Variants in SYCP2 observed in about 807,000 individuals in gnomAD.
The protein encoded by SYCP2 is synaptonemal complex protein 2, also known as synaptonemal complex lateral element protein.
In SYCP2, 55 loss-of-function variants were observed where a neutral mutation model predicts 211.3. That is an observed-to-expected ratio of 0.26 (90% CI 0.21 to 0.33). SYCP2 has a LOEUF of 0.33. Ranked by LOEUF, SYCP2 falls within the 10% of genes least tolerant of loss-of-function variation. The probability of loss-of-function intolerance (pLI) is 1.00; values close to 1 mark genes in which losing one functional copy is unlikely to be tolerated. For missense variants in SYCP2, 1,731 were observed against 1,752.0 expected (o/e 0.99, Z 0.21); for synonymous variants, 570 against 555.2 (o/e 1.03, Z -0.37).
intron 6 of SYCP2, 68 bp from the exon 7 acceptor site, chr20:59,919,250 A>T: frequency 2.4e-6 from 2 of 837,000 alleles, no homozygotes; most frequent in Non-Finnish European, 3.8e-6. Context: ...AATATTATAA[A>T]CCATTACAAA....
At chr20:59,890,317 A>G (rs2059880473) in intron 24 of SYCP2, among the ~76,000 whole-genome samples, 1 of 152,118 alleles carries the variant, frequency 6.6e-6, no homozygotes, top group Admixed American at 6.6e-5. Context: ...CAAACACCAC[A>G]TGTTCTCACT....
At chr20:59,911,453 T>C (rs1398220376) in intron 14 of SYCP2, among the ~76,000 whole-genome samples, 1 of 152,224 alleles carries the variant, frequency 6.6e-6, no homozygotes, top group Non-Finnish European at 1.5e-5. Flanking sequence ...CAATTCACTT[T>C]GTTTATGTGA....
At chr20:59,921,578 A>G (rs2060541933) in intron 3 of SYCP2, 125 bp from the exon 4 acceptor site, 1 of 578,786 alleles carries the variant, frequency 1.7e-6, no homozygotes, top group Non-Finnish European at 2.6e-6. Context: ...ATATTAATTC[A>G]CGTATTTTTT....
chr20:59,921,481 C>T, intron 3 of SYCP2, 28 bp from the exon 4 acceptor site: 2 of 1,522,028 alleles, frequency 1.3e-6, no homozygotes, highest in Non-Finnish European at 1.8e-6. Context: ...ATGGCACATA[C>T]TGTATCAAAA....
At chr20:59,892,793 C>T (rs2059932342) in intron 22 of SYCP2, 92 bp from the exon 23 acceptor site, 19 of 1,180,890 alleles carry the variant, frequency 1.6e-5, no homozygotes, top group East Asian at 2.6e-5. Flanking sequence ...TTACTGAAAG[C>T]GATTACTTAT....
At chr20:59,867,990 C>T (rs371612396) in intron 38 of SYCP2, 143 bp from the exon 39 acceptor site, 5 of 605,348 alleles carry the variant, frequency 8.3e-6, no homozygotes, top group Non-Finnish European at 1.4e-5. Context: ...AGAAGAGTTC[C>T]TTATGTTTTT....
chr20:59,866,564 A>C lies in SYCP2; in HGVS notation c.4151T>G (p.Phe1384Cys). The stretch of plus-strand genomic sequence containing the variant: ...AGCTGTTTTCCAAGACTGCGTAGTA[A>C]AATAACTCAACATTTTATGTCGGAT... ...NNIRHKMLSY[F>C]TTQSWKTAQQ... The change falls in exon 40 of 45, where the codon TTT becomes TGT. Residue 1384 changes from phenylalanine (F) to cysteine (C), a missense_variant. Phe to Cys is a radical substitution (Grantham distance 205). Coordinates refer to ENST00000357552, the MANE Select transcript of SYCP2 (RefSeq NM_014258.4). 1 of 1,601,114 alleles carries C rather than the reference A, an allele frequency of 6.2e-7. No individual in the cohort carries two copies. Among genetic ancestry groups the C allele is most frequent in the Non-Finnish European group, 8.5e-7 (1 of 1,175,440 alleles).
chr20:59,898,693 C>T (rs1033950844), intron 18 of SYCP2, among the ~76,000 whole-genome samples: 1 of 151,706 alleles, frequency 6.6e-6, no homozygotes, highest in African/African-American at 2.4e-5. Context: ...ACATGTATCC[C>T]AGAACTTAAA....
chr20:59,880,050 G>A (rs2059645916), intron 31 of SYCP2, among the ~76,000 whole-genome samples: 1 of 151,086 alleles, frequency 6.6e-6, no homozygotes, highest in South Asian at 2.1e-4. Flanking sequence ...TGGGCCATGA[G>A]TAGACAAGTG....
chr20:59,877,373 GTATC>G lies in SYCP2; in HGVS notation c.3150+8_3150+11del, dbSNP rs755597412. On this transcript the variant is annotated splice_region_variant and intron_variant, in intron 33 of 44. Coordinates refer to ENST00000357552, the MANE Select transcript of SYCP2 (RefSeq NM_014258.4). ...AGGCTTTTAGAAATTAATCTGAACT[GTATC>G]TATTTACCTTTACTGGTATGTTCTC... The G allele has an allele frequency of 2.6e-6, 4 of 1,530,778 alleles. No individual in the cohort carries two copies. Among genetic ancestry groups the G allele is most frequent in the South Asian group, 2.6e-5 (2 of 77,728 alleles). 94.8% of individuals were successfully genotyped at this position (1,530,778 alleles called of 1,614,324 possible).
intron 21 of SYCP2, among the ~76,000 whole-genome samples, 160 bp downstream of exon 21, chr20:59,893,364 A>G (rs974483626): frequency 1.2e-4 from 18 of 152,032 alleles, no homozygotes; most frequent in East Asian, 3.9e-4. Context: ...CAAAGGTGGT[A>G]TATTTCCTTG....
chr20:59,875,416 CTGT>C lies in SYCP2; in HGVS notation c.3201_3203del (p.Gln1068del), dbSNP rs767439069. The C allele has an allele frequency of 3.7e-6, 6 of 1,612,632 alleles. No homozygotes were observed. The African/African-American group carries it at 4.0e-5, about 11-fold the overall frequency. ...TTTCTGTTTCAGCACAGAAGACTTT[CTGT>C]TGTTTCTTTGGTAGCTTTACCGTTT... On this transcript the variant is annotated inframe_deletion, in exon 34 of 45. Coordinates refer to ENST00000357552, the MANE Select transcript of SYCP2 (RefSeq NM_014258.4).
At chr20:59,870,278 T>G (rs2059425001) in intron 35 of SYCP2, among the ~76,000 whole-genome samples, 6 of 151,800 alleles carry the variant, frequency 4.0e-5, no homozygotes, top group Admixed American at 1.3e-4. Context: ...TTTTCTGTTC[T>G]AATCTTCATG....
intron 38 of SYCP2, 62 bp from the exon 39 acceptor site, chr20:59,867,909 A>G: frequency 7.9e-7 from 1 of 1,272,870 alleles, no homozygotes; most frequent in Admixed American, 2.1e-5. Context: ...TAGCCTTGTA[A>G]TTAGGCTAAG....
At chr20:59,920,595 G>T (rs1051421948) in intron 4 of SYCP2, 108 bp from the exon 5 acceptor site, 35 of 937,024 alleles carry the variant, frequency 3.7e-5, no homozygotes, top group African/African-American at 3.3e-4. Flanking sequence ...AATCCTGAAA[G>T]ATGGTCATTT....
chr20:59,901,302 G>A (rs909065577), intron 16 of SYCP2, among the ~76,000 whole-genome samples: 11 of 151,974 alleles, frequency 7.2e-5, no homozygotes, highest in African/African-American at 2.7e-4. Flanking sequence ...TTTCTTCAAT[G>A]TCTACAACTC....
At chr20:59,866,856 A>T (rs1434681692) in intron 39 of SYCP2, among the ~76,000 whole-genome samples, 1 of 151,592 alleles carries the variant, frequency 6.6e-6, no homozygotes, top group Non-Finnish European at 1.5e-5. Flanking sequence ...TATTTACAAA[A>T]ATGCTGATGG....
chr20:59,897,753 G>GATAAAATCAGTTTCAGA (rs1276154464), intron 18 of SYCP2, among the ~76,000 whole-genome samples: 1 of 152,080 alleles, frequency 6.6e-6, no homozygotes, highest in African/African-American at 2.4e-5. Flanking sequence ...TGAGAGATTA[G>GATAAAATCAGTTTCAGA]TAAAAACTGA....
rs544894909 is a variant in SYCP2, at chr20:59,914,665, A to T, written c.635-414T>A. ...TATTCTACATGTAAATCACCATATT[A>T]AAATTCATTCACAAAAAGCTTAGAA... On this transcript the variant is annotated intron_variant, in intron 10 of 44. Coordinates refer to ENST00000357552, the MANE Select transcript of SYCP2 (RefSeq NM_014258.4). Among the ~76,000 whole-genome samples, 164 of 152,034 alleles carry T rather than the reference A, an allele frequency of 1.1e-3. 1 individual carries two copies. In the South Asian group the frequency reaches 0.016, roughly 15 times the overall value.
Sources: gnomAD v4.1 joint callset for allele counts (sites outside exome capture counted in the v4.1 genomes callset) on GRCh38, gnomAD v4.1.1 for gene constraint, MANE v1.5 for transcripts, NCBI Gene and HGNC (gene_info 2026-07-23, HGNC 2026-07-21) for gene names.